The following ORC4 variants were observed in gnomAD, a reference collection of about 807,000 sequenced individuals.
ORC4 encodes the protein origin recognition complex, subunit 4 homolog.
A neutral mutation model predicts 63.9 loss-of-function variants in ORC4; 55 were observed. The observed-to-expected ratio is 0.86, with a 90% CI of 0.69 to 1.08. The LOEUF (loss-of-function observed/expected upper bound fraction) is 1.08, where lower values mean the gene tolerates loss of function less well. Among genes scored for constraint, ORC4 ranks in the 50% least tolerant of loss-of-function variants. The probability of loss-of-function intolerance (pLI) is 0.00; values close to 1 mark genes in which losing one functional copy is unlikely to be tolerated. For synonymous variants in ORC4, 150 were observed against 168.5 expected, an observed-to-expected ratio of 0.89 and a Z score of 0.85; for missense variants, 511 against 504.4, an observed-to-expected ratio of 1.01 and a Z score of -0.13.
intron 2 of ORC4, 109 bp downstream of exon 2, chr2:147,975,793 G>A: frequency 1.3e-6 from 1 of 760,574 alleles, no homozygotes; most frequent in East Asian, 2.5e-5. Context: ...GTTAGAAAGA[G>A]TGATTCTTCC....
chr2:147,946,536 C>A (rs1017453916), intron 9 of ORC4, among the ~76,000 whole-genome samples: 1 of 151,936 alleles, frequency 6.6e-6, no homozygotes, highest in Non-Finnish European at 1.5e-5. Flanking sequence ...AGAAGGTGCT[C>A]CTATAGATGG....
intron 1 of ORC4, among the ~76,000 whole-genome samples, chr2:148,014,678 T>A (rs1187137157): frequency 6.6e-6 from 1 of 152,104 alleles, no homozygotes; most frequent in African/African-American, 2.4e-5. Context: ...TGTATATTTT[T>A]AAAAACACGA....
At chr2:147,948,252 G>A (rs1401993729) in intron 8 of ORC4, 28 bp from the exon 9 acceptor site, 10 of 1,512,944 alleles carry the variant, frequency 6.6e-6, no homozygotes, top group Non-Finnish European at 8.2e-6. Flanking sequence ...ATCTCTATAA[G>A]GAAGATGAAT....
chr2:148,001,841 C>T (rs990880881), intron 1 of ORC4, among the ~76,000 whole-genome samples: 4 of 152,174 alleles, frequency 2.6e-5, no homozygotes, highest in East Asian at 1.9e-4. Flanking sequence ...CAAGACCCAT[C>T]GGTGTGCTAT....
intron 10 of ORC4, among the ~76,000 whole-genome samples, chr2:147,940,158 T>G (rs1688282803): frequency 6.6e-6 from 1 of 152,126 alleles, no homozygotes; most frequent in African/African-American, 2.4e-5. Flanking sequence ...TTTCCTTTAG[T>G]TATTAATTTT....
intron 1 of ORC4, among the ~76,000 whole-genome samples, chr2:147,976,959 G>A (rs557647028): frequency 1.4e-4 from 22 of 152,118 alleles, no homozygotes; most frequent in African/African-American, 4.8e-4. Context: ...AAAGACCTTT[G>A]ACTAAAAGAC....
At chr2:148,004,350 T>C (rs1692494236) in intron 1 of ORC4, among the ~76,000 whole-genome samples, 1 of 152,206 alleles carries the variant, frequency 6.6e-6, no homozygotes, top group Non-Finnish European at 1.5e-5. Flanking sequence ...TCACGCTACC[T>C]GACTTCAAAC....
intron 4 of ORC4, among the ~76,000 whole-genome samples, chr2:147,963,534 TAC>T (rs1689727860): frequency 6.6e-6 from 1 of 152,128 alleles, no homozygotes; most frequent in Admixed American, 6.5e-5. Context: ...ACTGTATCCC[TAC>T]ACCTCTGTTG....
intron 1 of ORC4, among the ~76,000 whole-genome samples, chr2:147,995,506 C>A (rs1251425420): frequency 6.6e-6 from 1 of 152,138 alleles, no homozygotes; most frequent in Non-Finnish European, 1.5e-5. Context: ...AAGCTTTGTT[C>A]TTTCGCTCTT....
intron 4 of ORC4, among the ~76,000 whole-genome samples, chr2:147,962,605 C>T (rs1456487880): frequency 6.6e-6 from 1 of 152,116 alleles, no homozygotes; most frequent in Admixed American, 6.5e-5. Flanking sequence ...TGCTGCCACA[C>T]TTCCAGCCAG....
chr2:147,987,504 G>T lies in ORC4; in HGVS notation c.-17-11529C>A, dbSNP rs370757347. The stretch of plus-strand genomic sequence containing the variant: ...AGTGGATCAAATTGTTTAAGAAAAA[G>T]AACCATGTACCTCAGCTGGATAATC... On this transcript the variant is annotated intron_variant, in intron 1 of 13. Transcript: ENST00000392857. 5.8e-4 allele frequency among the ~76,000 whole-genome samples: 88 copies of T among 151,504 alleles called. 2 individuals are homozygous for T. Among genetic ancestry groups the T allele is most frequent in the African/African-American group, 2.1e-3 (85 of 41,300 alleles).
intron 9 of ORC4, among the ~76,000 whole-genome samples, chr2:147,946,370 G>T (rs1374627150): frequency 1.3e-5 from 2 of 151,962 alleles, no homozygotes; most frequent in Non-Finnish European, 2.9e-5. Context: ...AAAACAGCCA[G>T]AAAAACATAC....
chr2:148,007,442 T>C (rs1413251688), intron 1 of ORC4, among the ~76,000 whole-genome samples: 1 of 152,094 alleles, frequency 6.6e-6, no homozygotes, highest in Admixed American at 6.5e-5. Context: ...GCTCGAAAAT[T>C]CAACAAGCTG....
At chr2:148,007,362 A>T (rs747862861) in intron 1 of ORC4, among the ~76,000 whole-genome samples, 2 of 152,200 alleles carry the variant, frequency 1.3e-5, no homozygotes, top group Non-Finnish European at 2.9e-5. Flanking sequence ...TAAAAGAGAT[A>T]AAAAATTCAG....
At position 147,935,612 on chromosome 2, in the gene ORC4, T is replaced by C. The variant is rs1242156986; in HGVS notation, c.1209A>G (p.Lys403=). 1.2e-6 allele frequency: 2 copies of C among 1,613,596 alleles called. No homozygotes were observed. Among genetic ancestry groups the C allele is most frequent in the South Asian group, 2.2e-5 (2 of 91,068 alleles). Residue 403 remains lysine, a synonymous_variant, in exon 14 of 14, where the codon AAA becomes AAG. Transcript: ENST00000392857. The part of the protein sequence containing the change: ...GNSQREYQLM[K]LLLDNTQIMN... ...TAATTTGAGTATTATCCAAAAGCAG[T>C]TTCATCAGCTGGTACTCTCTCTGTG... is the stretch of plus-strand genomic sequence containing the variant.
At chr2:147,961,062 C>T (rs1490365702) in intron 4 of ORC4, among the ~76,000 whole-genome samples, 2 of 151,968 alleles carry the variant, frequency 1.3e-5, no homozygotes, top group East Asian at 1.9e-4. Context: ...TTTAAATATA[C>T]TATAATCTTA....
At chr2:147,958,570 T>TAA (rs76972301) in intron 5 of ORC4, 187 bp from the exon 6 acceptor site, 581 of 446,226 alleles carry the variant, frequency 1.3e-3, no homozygotes, top group South Asian at 2.3e-3. Context: ...TTAGAATGAT[T>TAA]AAAAAAAAAA....
At chr2:147,999,371 C>T (rs1269295813) in intron 1 of ORC4, among the ~76,000 whole-genome samples, 1 of 152,178 alleles carries the variant, frequency 6.6e-6, no homozygotes, top group Non-Finnish European at 1.5e-5. Flanking sequence ...CCCTAGCTCT[C>T]TTCTTTCACA....
intron 1 of ORC4, among the ~76,000 whole-genome samples, chr2:148,005,596 G>A (rs936099539): frequency 8.0e-6 from 1 of 124,382 alleles, no homozygotes; most frequent in Admixed American, 1.1e-4. Context: ...CAAGATTGCT[G>A]AAGAGAATCC....
Sources: gnomAD v4.1 joint callset for allele counts (sites outside exome capture counted in the v4.1 genomes callset) on GRCh38, gnomAD v4.1.1 for gene constraint, MANE v1.5 for transcripts, NCBI Gene and HGNC (gene_info 2026-07-23, HGNC 2026-07-21) for gene names.